Variants in CCNB3 observed in about 807,000 individuals in gnomAD.
CCNB3 encodes G2/mitotic-specific cyclin-B3.
Under a neutral mutation model 68.0 loss-of-function variants are expected in CCNB3, and 12 were observed. The ratio of observed to expected loss-of-function variants is 0.18; its 90% CI spans 0.11 to 0.29. CCNB3 has a LOEUF of 0.29. CCNB3 is among the 10% of genes least tolerant of loss of function. The pLI, the probability that CCNB3 is intolerant of heterozygous loss-of-function variation, is 1.00. For synonymous variants in CCNB3, 354 were observed against 388.9 expected (o/e 0.91, Z 1.06); for missense variants, 904 against 993.1 (o/e 0.91, Z 1.21).
At chrX:50,348,363 G>A (rs73634236) in intron 11 of CCNB3, among the ~76,000 whole-genome samples, 2,475 of 111,673 alleles carry the variant, frequency 0.022, 69 homozygotes, top group African/African-American at 0.075. Flanking sequence ...AGATAATTTC[G>A]CATTCTTACT....
chrX:50,279,788 A>G (rs1936070831), intron 1 of CCNB3, among the ~76,000 whole-genome samples: 1 of 89,595 alleles, frequency 1.1e-5, no homozygotes, highest in African/African-American at 4.1e-5. Flanking sequence ...TCATATATGT[A>G]AATATATACT....
intron 5 of CCNB3, among the ~76,000 whole-genome samples, chrX:50,307,257 TTAAG>T (rs1312478027): frequency 9.0e-6 from 1 of 111,696 alleles, no homozygotes; most frequent in Non-Finnish European, 1.9e-5. Context: ...TAACGTGCCT[TTAAG>T]TGTTTTTGAG....
chrX:50,340,176 T>C (rs1038243389), intron 8 of CCNB3, among the ~76,000 whole-genome samples: 4 of 112,235 alleles, frequency 3.6e-5, no homozygotes, highest in African/African-American at 6.5e-5. Context: ...GTGCTTCTCA[T>C]TGACATACTT....
intron 11 of CCNB3, among the ~76,000 whole-genome samples, chrX:50,349,568 G>A (rs1450128765): frequency 8.9e-6 from 1 of 112,261 alleles, no homozygotes; most frequent in African/African-American, 3.2e-5. Context: ...GCATTTGAGG[G>A]TCTGAACTGA....
chrX:50,206,618 C>T (rs1445444671), intron 1 of CCNB3, among the ~76,000 whole-genome samples: 1 of 109,391 alleles, frequency 9.1e-6, no homozygotes, highest in Non-Finnish European at 1.9e-5. Context: ...TATAGTATTA[C>T]TTTATGACAG....
intron 9 of CCNB3, among the ~76,000 whole-genome samples, chrX:50,344,157 C>T (rs1923277941): frequency 8.9e-6 from 1 of 112,479 alleles, no homozygotes; most frequent in African/African-American, 3.2e-5. Context: ...GTCACATGTG[C>T]ATAGGTGTGT....
At chrX:50,226,433 A>AT (rs1935805129) in intron 1 of CCNB3, among the ~76,000 whole-genome samples, 10 of 47,459 alleles carry the variant, frequency 2.1e-4, no homozygotes, top group African/African-American at 7.9e-4. Flanking sequence ...TAGAATATAT[A>AT]AAAATATATA....
rs377639898 is a variant in CCNB3, at chrX:50,319,959, C to T, written c.3516+6011C>T. On this transcript the variant is annotated intron_variant, in intron 8 of 12. Coordinates refer to ENST00000376042, the MANE Select transcript of CCNB3 (RefSeq NM_033031.3). ...TTATTTTTATATTCCTGAGATAAAC[C>T]CCATTTTGTCCTGGTATATTTTTCT... is the stretch of plus-strand genomic sequence containing the variant. Among the ~76,000 whole-genome samples, 11 of 110,280 alleles carry T rather than the reference C, an allele frequency of 1.0e-4. No homozygotes were observed. In the South Asian group the frequency reaches 3.9e-3, roughly 39 times the overall value.
At chrX:50,333,426 G>A (rs1246787249) in intron 8 of CCNB3, among the ~76,000 whole-genome samples, 1 of 111,975 alleles carries the variant, frequency 8.9e-6, no homozygotes, top group Non-Finnish European at 1.9e-5. Flanking sequence ...AAGCTTGTAT[G>A]CTGGGTGGAA....
chrX:50,334,658 A>G (rs974970197), intron 8 of CCNB3, among the ~76,000 whole-genome samples: 3 of 112,275 alleles, frequency 2.7e-5, no homozygotes, highest in Non-Finnish European at 5.6e-5. Flanking sequence ...TCTGACACAT[A>G]GAGTGTAAAG....
At chrX:50,333,503 C>G (rs1922705101) in intron 8 of CCNB3, among the ~76,000 whole-genome samples, 1 of 111,402 alleles carries the variant, frequency 9.0e-6, no homozygotes, top group South Asian at 3.8e-4. Context: ...ACGGCTTTGG[C>G]AAGTGCTGGC....
At chrX:50,282,889 T>TA (rs755063031) in intron 1 of CCNB3, among the ~76,000 whole-genome samples, 29 of 105,091 alleles carry the variant, frequency 2.8e-4, no homozygotes, top group South Asian at 8.2e-4. Context: ...TGGTCATCCA[T>TA]AAAAAAAAAA....
intron 8 of CCNB3, among the ~76,000 whole-genome samples, chrX:50,324,802 GTGT>G (rs1444471549): frequency 8.9e-6 from 1 of 111,881 alleles, no homozygotes; most frequent in African/African-American, 3.2e-5. Flanking sequence ...TTGAAAAATA[GTGT>G]TGTAGCTATC....
At chrX:50,224,293 T>C (rs1215652260) in intron 1 of CCNB3, among the ~76,000 whole-genome samples, 1 of 111,304 alleles carries the variant, frequency 9.0e-6, no homozygotes, top group Non-Finnish European at 1.9e-5. Flanking sequence ...AGATCTTTTC[T>C]ATTACACTTT....
chrX:50,323,842 G>A (rs938812537), intron 8 of CCNB3, among the ~76,000 whole-genome samples: 2 of 111,571 alleles, frequency 1.8e-5, no homozygotes, highest in Non-Finnish European at 3.8e-5. Flanking sequence ...GAAATTTTCT[G>A]GCAGTACTAA....
chrX:50,288,153 T>C (rs1303379076), intron 3 of CCNB3, among the ~76,000 whole-genome samples: 2 of 108,374 alleles, frequency 1.8e-5, no homozygotes, highest in Non-Finnish European at 3.8e-5. Flanking sequence ...AATGTAATAA[T>C]AAATGTGCAC....
chrX:50,309,707 C>T lies in CCNB3; in HGVS notation c.1538C>T (p.Thr513Ile). ...HLKKPLILQT[T>I]SGEKSLIKEP... is the part of the protein sequence containing the mutation. ...AAGAAACCACTAATATTACAGACCA[C>T]CTCTGGAGAAAAGTCACTTATTAAG... Residue 513 changes from threonine (T) to isoleucine (I), a missense_variant, in exon 6 of 13, where the codon ACC becomes ATC. By Grantham distance (89) the Thr-to-Ile change is moderately conservative (BLOSUM62 -1). Coordinates refer to ENST00000376042, the MANE Select transcript of CCNB3 (RefSeq NM_033031.3). 2 of 1,209,207 alleles carry T rather than the reference C, an allele frequency of 1.7e-6. No individual in the cohort carries two copies. Among genetic ancestry groups the T allele is most frequent in the Non-Finnish European group, 2.2e-6 (2 of 894,560 alleles).
chrX:50,223,879 C>G (rs1935711831), intron 1 of CCNB3, among the ~76,000 whole-genome samples: 2 of 112,081 alleles, frequency 1.8e-5, no homozygotes, highest in Non-Finnish European at 3.8e-5. Context: ...TGCCATTTCC[C>G]TCAGGTGCTC....
intron 5 of CCNB3, among the ~76,000 whole-genome samples, chrX:50,300,232 C>T (rs782349839): frequency 4.0e-4 from 44 of 111,363 alleles, no homozygotes; most frequent in South Asian, 1.9e-3. Flanking sequence ...CTATCCTTGA[C>T]GGTCTTTACA....
Sources: gnomAD v4.1 joint callset for allele counts (sites outside exome capture counted in the v4.1 genomes callset) on GRCh38, gnomAD v4.1.1 for gene constraint, MANE v1.5 for transcripts, NCBI Gene and HGNC (gene_info 2026-07-23, HGNC 2026-07-21) for gene names.